BRSK2: variants seen among roughly 807,000 people sequenced by gnomAD.
BRSK2 encodes the protein serine/threonine-protein kinase BRSK2.
In BRSK2, 19 loss-of-function variants were observed where a neutral mutation model predicts 83.3. That is an observed-to-expected ratio of 0.23 (90% CI 0.16 to 0.33). BRSK2 has a LOEUF of 0.33. BRSK2 is among the 10% of genes least tolerant of loss of function. BRSK2 has a pLI of 1.00. For synonymous variants in BRSK2, 519 were observed against 435.4 expected (o/e 1.19, Z -2.39); for missense variants, 798 against 1,042.3 (o/e 0.77, Z 3.23).
At chr11:1,413,029 C>T (rs1275618067) in intron 1 of BRSK2, among the ~76,000 whole-genome samples, 2 of 152,166 alleles carry the variant, frequency 1.3e-5, no homozygotes, top group Non-Finnish European at 2.9e-5. Context: ...CCCTGGCCTC[C>T]TTCTTCCCAT....
At position 1,449,904 on chromosome 11, in the gene BRSK2, C is replaced by T. The variant is rs1032361191; in HGVS notation, c.1287+68C>T. 6.2e-6 allele frequency: 8 copies of T among 1,298,328 alleles called. No individual in the cohort carries two copies. The Admixed American group carries it at 1.1e-4, about 17-fold the overall frequency. 80.4% of individuals were successfully genotyped at this position (1,298,328 alleles called of 1,614,324 possible). On this transcript the variant is annotated intron_variant, in intron 13 of 19. Transcript: ENST00000528841. ...CCCCAACCCTCCCAGTCAGCGTGTG[C>T]CAGGGTGGGGGCAGCCTCGCGGACC...
At chr11:1,429,456 A>G (rs115112369) in intron 1 of BRSK2, among the ~76,000 whole-genome samples, 1 of 147,372 alleles carries the variant, frequency 6.8e-6, no homozygotes, top group Non-Finnish European at 1.5e-5. Flanking sequence ...ACACAGGTGC[A>G]TGTCTGTGTG....
At chr11:1,433,641 C>T (rs1398520190) in intron 1 of BRSK2, among the ~76,000 whole-genome samples, 1 of 152,240 alleles carries the variant, frequency 6.6e-6, no homozygotes, top group Non-Finnish European at 1.5e-5. Context: ...TGCAGGCCAG[C>T]CTCGTGCCTG....
intron 1 of BRSK2, among the ~76,000 whole-genome samples, chr11:1,417,812 A>G (rs1302178257): frequency 9.2e-6 from 1 of 108,386 alleles, no homozygotes; most frequent in Non-Finnish European, 1.9e-5. Flanking sequence ...AGAGTGGGTC[A>G]CCTGTGTCCT....
chr11:1,418,725 A>G (rs1217001876), intron 1 of BRSK2, among the ~76,000 whole-genome samples: 1 of 152,222 alleles, frequency 6.6e-6, no homozygotes, highest in Non-Finnish European at 1.5e-5. Context: ...CATGTTGTTT[A>G]TTTAGAGCAG....
chr11:1,434,990 G>A (rs977045588), intron 1 of BRSK2, among the ~76,000 whole-genome samples: 6 of 151,768 alleles, frequency 4.0e-5, no homozygotes, highest in Admixed American at 1.3e-4. Context: ...AGAGGAGAAA[G>A]GGAGGGTGGG....
In BRSK2 at chr11:1,437,016, G is replaced by A. The variant is rs369319015; in HGVS notation, c.186+882G>A. 6.6e-4 allele frequency among the ~76,000 whole-genome samples: 101 copies of A among 151,928 alleles called. No homozygotes were observed. In the East Asian group the frequency reaches 0.017, roughly 25 times the overall value. Reference sequence around the variant, plus strand: ...TATGGGGAGGTGGGGGTGGGGTTAAGGGCTGCTGAGGGCTGCCTGGATGGG... The same window carrying A: ...TATGGGGAGGTGGGGGTGGGGTTAAAGGCTGCTGAGGGCTGCCTGGATGGG... On this transcript the variant is annotated intron_variant, in intron 2 of 19. Transcript: ENST00000528841.
At chr11:1,441,274 C>A (rs368514261) in intron 4 of BRSK2, among the ~76,000 whole-genome samples, 1 of 45,984 alleles carries the variant, frequency 2.2e-5, no homozygotes, top group African/African-American at 8.4e-5. Flanking sequence ...CAAGTGCACC[C>A]TCCCCCCCAT....
rs749345166 is a variant in BRSK2 at position 1,411,410 on chromosome 11, C to T, written c.91+21035C>T. Reference sequence around the variant, plus strand: ...TAGGGCACCAGCCTCACCCCATGAGCCCTGAGGGCCACCCCAGCCGATGGG... The same window carrying T: ...TAGGGCACCAGCCTCACCCCATGAGTCCTGAGGGCCACCCCAGCCGATGGG... On this transcript the variant is annotated intron_variant, in intron 1 of 19. Transcript: ENST00000528841. The T allele has an allele frequency of 9.5e-6, 14 of 1,467,886 alleles. No individual in the cohort carries two copies. In the African/African-American group the frequency reaches 1.6e-4, roughly 17 times the overall value. The allele number at this position is 1,467,886 out of a possible 1,614,324, so 90.9% of individuals were successfully genotyped here. A position where few individuals can be genotyped will look rare whatever the true frequency, so the allele number is the denominator to read the frequency against.
Position 1,454,325 on chromosome 11 carries a change from T to G in BRSK2, c.1545-160T>G, listed in dbSNP as rs1193828005. 4 of 811,902 alleles carry G rather than the reference T, an allele frequency of 4.9e-6. No individual in the cohort carries two copies. The allele number at this position is 811,902 out of a possible 1,614,324, so 50.3% of individuals were successfully genotyped here. On this transcript the variant is annotated intron_variant, in intron 15 of 19. Transcript: ENST00000528841. This position sits in a 1 kb window ranked among gnomAD's most constrained non-coding sequence, Gnocchi z 5.2. ...GGGCATATGGGCTAGGGTTAGGGCG[T>G]TGGGGTCAGGGCCATGGGTTCTGGC...
Position 1,423,048 on chromosome 11 carries a change from T to C in BRSK2, c.92-12992T>C, listed in dbSNP as rs1349659793. Among the ~76,000 whole-genome samples the C allele has an allele frequency of 1.3e-5, 2 of 152,134 alleles. No individual in the cohort carries two copies. The highest frequency in any genetic ancestry group is 2.9e-5 in the Non-Finnish European group (2 of 68,008). On this transcript the variant is annotated intron_variant, in intron 1 of 19. Transcript: ENST00000528841. This position sits in a 1 kb window ranked among gnomAD's most constrained non-coding sequence, Gnocchi z 6.5. ...GGAGGGCAATGCAGCTTGGGAGCCT[T>C]AGCTCAGCCAGACAGCAGCCCGGAG...
intron 1 of BRSK2, among the ~76,000 whole-genome samples, chr11:1,415,543 C>G (rs532909973): frequency 6.6e-6 from 1 of 152,312 alleles, no homozygotes; most frequent in Non-Finnish European, 1.5e-5. Context: ...AGCCACTGCA[C>G]CTGGCTTGTG....
chr11:1,411,845 C>T (rs1418726791), intron 1 of BRSK2, among the ~76,000 whole-genome samples: 1 of 152,228 alleles, frequency 6.6e-6, no homozygotes, highest in African/African-American at 2.4e-5. Flanking sequence ...CTCCTGCCCA[C>T]TGGCCCGGCC....
At chr11:1,392,980 C>T (rs964659861) in intron 1 of BRSK2, among the ~76,000 whole-genome samples, 8 of 152,074 alleles carry the variant, frequency 5.3e-5, no homozygotes, top group Admixed American at 1.3e-4. Flanking sequence ...GCCTCCTCGC[C>T]GGCTGCTTGG....
At chr11:1,406,166 G>A (rs999821639) in intron 1 of BRSK2, among the ~76,000 whole-genome samples, 3 of 152,152 alleles carry the variant, frequency 2.0e-5, no homozygotes, top group Admixed American at 6.5e-5. Flanking sequence ...GCCGCCAGAG[G>A]TCCCTTCTTA....
chr11:1,444,508 C>T (rs1401258039), intron 8 of BRSK2, among the ~76,000 whole-genome samples: 2 of 152,108 alleles, frequency 1.3e-5, no homozygotes, highest in African/African-American at 4.8e-5. Context: ...CCTGCCCCGC[C>T]GCACAGGTGG....
intron 13 of BRSK2, 51 bp downstream of exon 13, chr11:1,449,887 C>T (rs770929117): frequency 6.9e-7 from 1 of 1,446,688 alleles, no homozygotes; most frequent in Non-Finnish European, 9.7e-7. Context: ...GGCCCCAACC[C>T]TCCCAGTCAG....
rs201204162 is a variant in BRSK2 at position 1,445,852 on chromosome 11, G to A, written c.1171G>A (p.Gly391Ser). ...CATGGAGGTGCTCAGCGTGACGGAC[G>A]GCGGCTCCCCGGTGCCTGCGCGGCG... The part of the protein sequence containing the change: ...KSMEVLSVTD[G>S]GSPVPARRAI... The change falls in exon 12 of 20, where the codon GGC becomes AGC. Residue 391 changes from glycine (G) to serine (S), a missense_variant. By Grantham distance (56) the Gly-to-Ser change is moderately conservative. Around this residue, in one of 6 missense-constraint regions of BRSK2, gnomAD observed 51 missense variants for 52.6 expected, o/e 0.97. Coordinates refer to ENST00000528841, the MANE Select transcript of BRSK2 (RefSeq NM_001256627.2). The A allele has an allele frequency of 1.9e-4, 301 of 1,612,172 alleles. No homozygotes were observed. The highest frequency in any genetic ancestry group is 2.5e-4 in the East Asian group (11 of 44,888).
At chr11:1,410,666 T>C (rs2134110341) in intron 1 of BRSK2, 2 of 985,392 alleles carry the variant, frequency 2.0e-6, no homozygotes. Flanking sequence ...CCTGTGGCCC[T>C]GAGTCAGCAC....
Sources: allele counts gnomAD v4.1 joint callset (sites outside exome capture counted in the v4.1 genomes callset), GRCh38; gene constraint gnomAD v4.1.1; regional missense constraint gnomAD v4.1.1; non-coding constraint Gnocchi (gnomAD v3.1); transcripts MANE v1.5; gene names NCBI Gene and HGNC (gene_info 2026-07-23, HGNC 2026-07-21).